The following UNC79 variants were observed in gnomAD, a reference collection of about 807,000 sequenced individuals.
UNC79 encodes the protein protein unc-79 homolog.
In UNC79, 37 loss-of-function variants were observed where a neutral mutation model predicts 283.1. The ratio of observed to expected loss-of-function variants is 0.13; its 90% CI spans 0.10 to 0.17. The LOEUF (loss-of-function observed/expected upper bound fraction) is 0.17, where lower values mean the gene tolerates loss of function less well. UNC79 is among the 10% of genes least tolerant of loss of function. UNC79 has a pLI of 1.00. For synonymous variants in UNC79, 1,107 were observed against 1,200.2 expected, an observed-to-expected ratio of 0.92 and a Z score of 1.61; for missense variants, 2,272 against 3,211.1, an observed-to-expected ratio of 0.71 and a Z score of 7.07.
chr14:93,584,253 T>C (rs981708951), intron 20 of UNC79, among the ~76,000 whole-genome samples: 33 of 152,208 alleles, frequency 2.2e-4, no homozygotes, highest in African/African-American at 8.0e-4. Flanking sequence ...GTCATGTCAC[T>C]CCTACTATTC....
upstream of UNC79, among the ~76,000 whole-genome samples, chr14:93,427,103 C>T (rs1273146658): frequency 6.6e-6 from 1 of 152,140 alleles, no homozygotes; most frequent in East Asian, 1.9e-4. Context: ...TTGTTGTTTG[C>T]ATGCAGGCTT....
At chr14:93,476,680 T>G (rs1023718412) in intron 3 of UNC79, among the ~76,000 whole-genome samples, 2 of 152,222 alleles carry the variant, frequency 1.3e-5, no homozygotes, top group African/African-American at 4.8e-5. Context: ...GATCCAAGTC[T>G]TCATCATCAA....
chr14:93,470,717 C>T (rs1195834257), intron 2 of UNC79, among the ~76,000 whole-genome samples: 2 of 152,148 alleles, frequency 1.3e-5, no homozygotes, highest in Non-Finnish European at 2.9e-5. Context: ...TTTAATTTAG[C>T]AGATACCTAA....
intron 34 of UNC79, among the ~76,000 whole-genome samples, chr14:93,644,142 G>T (rs1405748839): frequency 6.6e-6 from 1 of 152,180 alleles, no homozygotes; most frequent in African/African-American, 2.4e-5. Context: ...TGTGTGAGGA[G>T]ACACATAGTA....
intron 30 of UNC79, among the ~76,000 whole-genome samples, chr14:93,628,318 C>T (rs1308695016): frequency 6.6e-6 from 1 of 152,196 alleles, no homozygotes; most frequent in African/African-American, 2.4e-5. Flanking sequence ...GTATTCTTTA[C>T]CTTTGGGCCT....
intron 1 of UNC79, among the ~76,000 whole-genome samples, chr14:93,420,820 A>G (rs565462736): frequency 2.0e-5 from 3 of 151,900 alleles, no homozygotes; most frequent in Admixed American, 2.0e-4. Context: ...GAAACTCTAC[A>G]AACGTGGAAA....
chr14:93,575,440 A>G (rs147048621), intron 17 of UNC79, among the ~76,000 whole-genome samples: 2 of 152,330 alleles, frequency 1.3e-5, no homozygotes, highest in African/African-American at 4.8e-5. Flanking sequence ...CCCTTGATGA[A>G]AAAGAGTAGC....
chr14:93,420,729 T>G (rs1046206904), intron 1 of UNC79, among the ~76,000 whole-genome samples: 3 of 151,636 alleles, frequency 2.0e-5, no homozygotes, highest in Non-Finnish European at 4.4e-5. Context: ...TCTTAAAACA[T>G]CAAAAAAATT....
intron 14 of UNC79, among the ~76,000 whole-genome samples, chr14:93,565,970 A>G (rs1185092925): frequency 1.3e-5 from 2 of 152,130 alleles, no homozygotes; most frequent in Non-Finnish European, 2.9e-5. Flanking sequence ...GGAAGGAGGG[A>G]GGAAGAAGAA....
intron 5 of UNC79, among the ~76,000 whole-genome samples, chr14:93,494,350 G>A (rs2058917427): frequency 6.6e-6 from 1 of 152,162 alleles, no homozygotes; most frequent in Non-Finnish European, 1.5e-5. Context: ...AACTGAACAT[G>A]AGATTTGGTG....
intron 1 of UNC79, among the ~76,000 whole-genome samples, chr14:93,442,002 A>G (rs2056315600): frequency 6.6e-6 from 1 of 152,148 alleles, no homozygotes; most frequent in Non-Finnish European, 1.5e-5. Flanking sequence ...GCTTGGGTGG[A>G]CATAAAATCT....
At chr14:93,462,429 C>G (rs1462919959) in intron 1 of UNC79, among the ~76,000 whole-genome samples, 1 of 152,234 alleles carries the variant, frequency 6.6e-6, no homozygotes, top group African/African-American at 2.4e-5. Context: ...GTCCTGAAGA[C>G]AGTGGGCAGC....
At chr14:93,631,069 AGTAGGATGGCCCACTTTC>A (rs1003128283) in intron 31 of UNC79, among the ~76,000 whole-genome samples, 161 bp downstream of exon 33, 39 of 152,184 alleles carry the variant, frequency 2.6e-4, no homozygotes, top group Non-Finnish European at 5.6e-4. Context: ...GACCCTGAGG[AGTAGGATGGCCCACTTTC>A]GTCCGTATCT....
chr14:93,645,378 G>A (rs1300767515), intron 34 of UNC79, among the ~76,000 whole-genome samples: 1 of 152,264 alleles, frequency 6.6e-6, no homozygotes, highest in Admixed American at 6.5e-5. Context: ...CCTTTGGGTA[G>A]ACTAGCAAGA....
In UNC79 at chr14:93,403,872, CT is replaced by C. The variant is rs35901461; in HGVS notation, c.-350-63784del. ...AGTGAAAAAGACTTTGAGCTAGACT[CT>C]TTTTTTTTTTTTTTGAGATGGAGTG... On this transcript the variant is annotated intron_variant, in intron 1 of 49. Transcript: ENST00000256339. Among the ~76,000 whole-genome samples the C allele has an allele frequency of 7.3e-3, 998 of 137,624 alleles. 7 individuals are homozygous for C. Among genetic ancestry groups the C allele is most frequent in the African/African-American group, 0.018 (689 of 37,876 alleles). The allele number at this position is 137,624 out of a possible 152,430, so 90.3% of individuals were successfully genotyped here. A position where few individuals can be genotyped will look rare whatever the true frequency, so the allele number is the denominator to read the frequency against.
intron 1 of UNC79, among the ~76,000 whole-genome samples, chr14:93,458,552 G>A (rs952623241): frequency 2.0e-5 from 3 of 152,060 alleles, no homozygotes; most frequent in African/African-American, 4.8e-5. Context: ...ATAAAATTTT[G>A]GGGGGCTCCA....
At chr14:93,344,180 T>C (rs538352639) in intron 1 of UNC79, among the ~76,000 whole-genome samples, 2 of 152,238 alleles carry the variant, frequency 1.3e-5, no homozygotes, top group South Asian at 4.1e-4. Context: ...AAGATTAGGA[T>C]TAAACCAGTC....
chr14:93,624,283 TGGAAAG>T, intron 30 of UNC79, among the ~76,000 whole-genome samples: 1 of 152,120 alleles, frequency 6.6e-6, no homozygotes, highest in East Asian at 1.9e-4. Context: ...TTGGCGTGTT[TGGAAAG>T]GGTCATGCTC....
At chr14:93,368,644 G>A (rs570701295) in intron 1 of UNC79, among the ~76,000 whole-genome samples, 1 of 152,020 alleles carries the variant, frequency 6.6e-6, no homozygotes, top group Admixed American at 6.6e-5. Flanking sequence ...CTAAATTTTT[G>A]TATTTTTAGT....
Sources: allele counts gnomAD v4.1 joint callset (sites outside exome capture counted in the v4.1 genomes callset), GRCh38; gene constraint gnomAD v4.1.1; transcripts MANE v1.5; gene names NCBI Gene and HGNC (gene_info 2026-07-23, HGNC 2026-07-21).